Variants in TRERF1 observed in about 807,000 individuals in gnomAD.
The protein encoded by TRERF1 is transcriptional regulating factor 1.
TRERF1 carries 27 observed loss-of-function variants against 122.9 expected under a neutral mutation model. The observed-to-expected ratio is 0.22, with a 90% CI of 0.16 to 0.30. The LOEUF (loss-of-function observed/expected upper bound fraction) is 0.30. TRERF1 is among the 10% of genes least tolerant of loss of function. The probability of loss-of-function intolerance (pLI) is 1.00; values close to 1 mark genes in which losing one functional copy is unlikely to be tolerated. For missense variants in TRERF1, 1,248 were observed against 1,560.3 expected, an observed-to-expected ratio of 0.80 and a Z score of 3.37; for synonymous variants, 636 against 641.7, an observed-to-expected ratio of 0.99 and a Z score of 0.13.
chr6:42,336,054 TG>T (rs1766111976), intron 3 of TRERF1, among the ~76,000 whole-genome samples: 1 of 152,188 alleles, frequency 6.6e-6, no homozygotes, highest in Non-Finnish European at 1.5e-5. Flanking sequence ...TGTATTTCAC[TG>T]TAGTGAGTTT....
intron 2 of TRERF1, among the ~76,000 whole-genome samples, chr6:42,419,283 T>G: frequency 1.0e-5 from 1 of 99,416 alleles, no homozygotes; most frequent in South Asian, 4.1e-4. Context: ...TTCTGCTGAG[T>G]CCCCTCTCCT....
intron 15 of TRERF1, among the ~76,000 whole-genome samples, chr6:42,238,870 C>CA (rs61231119): frequency 4.7e-5 from 7 of 148,884 alleles, no homozygotes; most frequent in Non-Finnish European, 1.5e-5. Context: ...CACACACACA[C>CA]AATTTCTAGT....
chr6:42,335,478 G>C (rs1765971852), intron 3 of TRERF1, among the ~76,000 whole-genome samples: 1 of 152,148 alleles, frequency 6.6e-6, no homozygotes, highest in Non-Finnish European at 1.5e-5. Context: ...GGAAACTGAG[G>C]CACTAAAGAT....
At chr6:42,298,325 T>G (rs1785454561) in intron 4 of TRERF1, among the ~76,000 whole-genome samples, 1 of 151,254 alleles carries the variant, frequency 6.6e-6, no homozygotes, top group Non-Finnish European at 1.5e-5. Flanking sequence ...CTGGCCAATT[T>G]TTTTATTTTT....
chr6:42,334,699 T>A (rs986992619), intron 3 of TRERF1, among the ~76,000 whole-genome samples: 3 of 152,152 alleles, frequency 2.0e-5, no homozygotes, highest in African/African-American at 7.2e-5. Flanking sequence ...GGTAAGAGAA[T>A]TAAACTCCAA....
chr6:42,296,438 C>T (rs561508442), intron 4 of TRERF1, among the ~76,000 whole-genome samples: 2 of 152,206 alleles, frequency 1.3e-5, no homozygotes, highest in Non-Finnish European at 2.9e-5. Context: ...TGAACCACCA[C>T]TGACCAAGCA....
chr6:42,325,748 A>G (rs1218810321), intron 3 of TRERF1, among the ~76,000 whole-genome samples: 1 of 152,132 alleles, frequency 6.6e-6, no homozygotes, highest in Non-Finnish European at 1.5e-5. Context: ...GGTGGTGTGC[A>G]CCTGTAGTCC....
intron 2 of TRERF1, among the ~76,000 whole-genome samples, chr6:42,416,873 C>A (rs1466975011): frequency 6.6e-6 from 1 of 152,094 alleles, no homozygotes; most frequent in Non-Finnish European, 1.5e-5. Flanking sequence ...AAATTTTATT[C>A]TATTCTAGTG....
At chr6:42,367,943 G>T (rs1480243398) in intron 2 of TRERF1, among the ~76,000 whole-genome samples, 1 of 152,096 alleles carries the variant, frequency 6.6e-6, no homozygotes, top group Non-Finnish European at 1.5e-5. Flanking sequence ...CCACAATGGG[G>T]TCCTCAGCTG....
At chr6:42,430,376 C>A (rs1784310260) in intron 2 of TRERF1, among the ~76,000 whole-genome samples, 1 of 152,162 alleles carries the variant, frequency 6.6e-6, no homozygotes, top group African/African-American at 2.4e-5. Context: ...CAGTATTAGA[C>A]CATCTTCCCT....
chr6:42,225,210 C>CA (rs1769355287), downstream of TRERF1: 1 of 128,740 alleles, frequency 7.8e-6, no homozygotes, highest in African/African-American at 2.8e-5. Context: ...CTTTTTTTTT[C>CA]TTTTTTTTTT....
At chr6:42,397,534 C>G (rs1778805656) in intron 2 of TRERF1, among the ~76,000 whole-genome samples, 1 of 152,186 alleles carries the variant, frequency 6.6e-6, no homozygotes, top group Non-Finnish European at 1.5e-5. Flanking sequence ...AAAACAGATA[C>G]AAAATGCCCA....
intron 2 of TRERF1, among the ~76,000 whole-genome samples, chr6:42,392,528 AC>A (rs1481298822): frequency 6.6e-6 from 1 of 152,162 alleles, no homozygotes; most frequent in African/African-American, 2.4e-5. Flanking sequence ...TTTTAGGCTA[AC>A]TAACTGAAAT....
intron 2 of TRERF1, among the ~76,000 whole-genome samples, chr6:42,392,215 G>C (rs1777868655): frequency 6.6e-6 from 1 of 152,218 alleles, no homozygotes; most frequent in Non-Finnish European, 1.5e-5. Flanking sequence ...TGTGATGCCT[G>C]CTAAATGAAT....
At chr6:42,404,460 T>C (rs891312481) in intron 2 of TRERF1, among the ~76,000 whole-genome samples, 3 of 152,094 alleles carry the variant, frequency 2.0e-5, no homozygotes, top group Non-Finnish European at 2.9e-5. Context: ...TGCATTTTCA[T>C]TCCTCTAAGA....
chr6:42,227,485 A>G (rs1769708236), exon 18 of TRERF1: 1 of 152,204 alleles, frequency 6.6e-6, no homozygotes, highest in African/African-American at 2.4e-5. Context: ...GTACTTCAAT[A>G]TGTGTCCTTC....
chr6:42,418,970 T>A (rs565447384), intron 2 of TRERF1, among the ~76,000 whole-genome samples: 47 of 152,194 alleles, frequency 3.1e-4, no homozygotes, highest in African/African-American at 9.2e-4. Flanking sequence ...GATAACAGGG[T>A]GTAAAACAAA....
At chr6:42,238,835 T>TCACACACACACACACACACA (rs58223539) in intron 15 of TRERF1, among the ~76,000 whole-genome samples, 3 of 143,030 alleles carry the variant, frequency 2.1e-5, no homozygotes, top group African/African-American at 7.8e-5. Context: ...ATCATGCATT[T>TCACACACACACACACACACA]CACACACACA....
chr6:42,425,226 T>C (rs975300802), intron 2 of TRERF1, among the ~76,000 whole-genome samples: 14 of 152,172 alleles, frequency 9.2e-5, no homozygotes, highest in Non-Finnish European at 2.1e-4. Context: ...CTCTTGTGAA[T>C]TGCAAGCTAA....
Sources: gnomAD v4.1 joint callset for allele counts (sites outside exome capture counted in the v4.1 genomes callset) on GRCh38, gnomAD v4.1.1 for gene constraint, MANE v1.5 for transcripts, NCBI Gene and HGNC (gene_info 2026-07-23, HGNC 2026-07-21) for gene names.